The following ZNF536 variants were observed in gnomAD, a reference collection of about 807,000 sequenced individuals.
The protein encoded by ZNF536 is zinc finger protein 536.
A neutral mutation model predicts 84.5 loss-of-function variants in ZNF536; 13 were observed. That is an observed-to-expected ratio of 0.15 (90% CI 0.10 to 0.24). ZNF536 has a LOEUF of 0.24. ZNF536 is among the 10% of genes least tolerant of loss of function. ZNF536 has a pLI of 1.00. For synonymous variants in ZNF536, 811 were observed against 742.5 expected, an observed-to-expected ratio of 1.09 and a Z score of -1.50; for missense variants, 1,536 against 1,747.5, an observed-to-expected ratio of 0.88 and a Z score of 2.16.
intron 2 of ZNF536, chr19:30,296,162 T>C (rs1382253389): frequency 6.6e-6 from 1 of 152,076 alleles, no homozygotes; most frequent in Non-Finnish European, 1.5e-5. Context: ...CAGAGATGAG[T>C]ATTTGATGCT....
rs151077646 is a variant in ZNF536, at chr19:30,344,326, G to A, written c.-119-8042G>A. 2.2e-3 allele frequency among the ~76,000 whole-genome samples: 121 copies of A among 54,520 alleles called. 4 individuals are homozygous for A. The highest frequency in any genetic ancestry group is 0.012 in the African/African-American group (109 of 8,918). The allele number at this position is 54,520 out of a possible 152,430, so 35.8% of individuals were successfully genotyped here. On this transcript the variant is annotated intron_variant, in intron 2 of 5. Coordinates refer to the ZNF536 transcript ENST00000585628. Reference sequence around the variant, plus strand: ...ATATTGGCGGCCTCCTATAATCCCAGCTACTCGGGAGGCTGAGACAGGAAA... The same window carrying A: ...ATATTGGCGGCCTCCTATAATCCCAACTACTCGGGAGGCTGAGACAGGAAA...
At chr19:30,389,506 C>T (rs2049490847) in intron 1 of ZNF536, among the ~76,000 whole-genome samples, 1 of 152,194 alleles carries the variant, frequency 6.6e-6, no homozygotes, top group Non-Finnish European at 1.5e-5. Flanking sequence ...TCAGAAATCT[C>T]TTAACCTGTT....
At position 30,402,796 on chromosome 19, in the gene ZNF536, A is replaced by ATAT. The variant is rs1555744993; in HGVS notation, c.-3+30240_-3+30241insTAT. On this transcript the variant is annotated intron_variant, in intron 1 of 4. Coordinates refer to ENST00000355537, the MANE Select transcript of ZNF536 (RefSeq NM_014717.3). ...TTTTAAACATTTTTTAAAATTAAAA[A>ATAT]ATATATATATATATATATATATATA... 8.3e-3 allele frequency among the ~76,000 whole-genome samples: 709 copies of ATAT among 85,576 alleles called. 23 individuals carry two copies. Among genetic ancestry groups the ATAT allele is most frequent in the African/African-American group, 0.02 (526 of 26,348 alleles). The allele number at this position is 85,576 out of a possible 152,430, so 56.1% of individuals were successfully genotyped here. A position where few individuals can be genotyped will look rare whatever the true frequency, so the allele number is the denominator to read the frequency against.
chr19:30,329,509 G>A (rs1163283369), intron 2 of ZNF536, among the ~76,000 whole-genome samples: 2 of 152,128 alleles, frequency 1.3e-5, no homozygotes, highest in Non-Finnish European at 2.9e-5. Context: ...GTTCTATAAA[G>A]TGTGTGGGAT....
At chr19:30,293,559 T>C (rs2045907988) in intron 2 of ZNF536, among the ~76,000 whole-genome samples, 1 of 152,106 alleles carries the variant, frequency 6.6e-6, no homozygotes, top group Non-Finnish European at 1.5e-5. Context: ...ATTTCAACAA[T>C]AGGCTTCACG....
At chr19:30,278,939 G>A (rs2045339421) in intron 1 of ZNF536, among the ~76,000 whole-genome samples, 1 of 152,078 alleles carries the variant, frequency 6.6e-6, no homozygotes, top group Non-Finnish European at 1.5e-5. Flanking sequence ...TTCCGACTAG[G>A]TACGTGGATC....
rs1367852579 is a variant in ZNF536 at position 30,420,737 on chromosome 19, T to C, written c.-2-22824T>C. Among the ~76,000 whole-genome samples the C allele has an allele frequency of 3.3e-5, 5 of 152,214 alleles. No individual in the cohort carries two copies. The East Asian group carries it at 9.6e-4, about 29-fold the overall frequency. ...TTAAATCCCATCTATTTAGTTGTTC[T>C]TATAAAGATTTCACTGATATTTGAA... On this transcript the variant is annotated intron_variant, in intron 1 of 4. Coordinates refer to ENST00000355537, the MANE Select transcript of ZNF536 (RefSeq NM_014717.3).
intron 2 of ZNF536, among the ~76,000 whole-genome samples, chr19:30,530,965 G>T (rs1247819252): frequency 6.6e-6 from 1 of 152,120 alleles, no homozygotes; most frequent in Non-Finnish European, 1.5e-5. Flanking sequence ...AGTGCCCTGC[G>T]GGTGTCCTGC....
intron 2 of ZNF536, among the ~76,000 whole-genome samples, chr19:30,312,195 T>C (rs1600176121): frequency 6.6e-6 from 1 of 152,076 alleles, no homozygotes; most frequent in Non-Finnish European, 1.5e-5. Flanking sequence ...AGAGAGGCGG[T>C]GCATGAGAGA....
At chr19:30,324,712 G>A (rs2046967283) in intron 2 of ZNF536, among the ~76,000 whole-genome samples, 2 of 152,182 alleles carry the variant, frequency 1.3e-5, no homozygotes, top group East Asian at 3.9e-4. Flanking sequence ...TCTAATGAGA[G>A]ATTCAGACAA....
intron 2 of ZNF536, among the ~76,000 whole-genome samples, chr19:30,292,215 C>T (rs1350786192): frequency 6.6e-6 from 1 of 152,194 alleles, no homozygotes; most frequent in Non-Finnish European, 1.5e-5. Flanking sequence ...TCACATGTTA[C>T]CTAACCAGGA....
intron 1 of ZNF536, among the ~76,000 whole-genome samples, chr19:30,276,471 C>G (rs1396581437): frequency 4.6e-5 from 7 of 152,124 alleles, no homozygotes; most frequent in Non-Finnish European, 7.4e-5. Flanking sequence ...ATTAAGAGAA[C>G]AAAATGCTCA....
intron 3 of ZNF536, among the ~76,000 whole-genome samples, chr19:30,357,390 C>T (rs1375611498): frequency 6.6e-6 from 1 of 152,014 alleles, no homozygotes; most frequent in African/African-American, 2.4e-5. Context: ...GACAGTGATC[C>T]CTGGGGAGAG....
chr19:30,567,802 C>A (rs925323226), intron 1 of ZNF536, among the ~76,000 whole-genome samples: 1 of 152,138 alleles, frequency 6.6e-6, no homozygotes, highest in Non-Finnish European at 1.5e-5. Context: ...CCCACAGAGC[C>A]GCTTCACATG....
chr19:30,692,016 G>T (rs1000835408), intron 1 of ZNF536, among the ~76,000 whole-genome samples: 1 of 152,226 alleles, frequency 6.6e-6, no homozygotes, highest in Non-Finnish European at 1.5e-5. Flanking sequence ...TCATGGCCGG[G>T]CCTGGGAGGC....
intron 1 of ZNF536, among the ~76,000 whole-genome samples, chr19:30,253,642 A>T (rs1024549712): frequency 2.6e-5 from 4 of 152,032 alleles, no homozygotes; most frequent in African/African-American, 9.7e-5. Flanking sequence ...CTGCTTCCCC[A>T]CCCATGGGCT....
At chr19:30,520,060 G>A (rs2145689934) in intron 2 of ZNF536, among the ~76,000 whole-genome samples, 1 of 152,292 alleles carries the variant, frequency 6.6e-6, no homozygotes, top group African/African-American at 2.4e-5. Context: ...GTGGGCCTGG[G>A]GCTGGTGTTT....
intron 1 of ZNF536, among the ~76,000 whole-genome samples, chr19:30,250,806 G>A (rs2024562864): frequency 6.7e-6 from 1 of 149,900 alleles, no homozygotes; most frequent in African/African-American, 2.5e-5. Context: ...GACCAAGTTA[G>A]TTCTGATTTT....
chr19:30,546,785 G>A (rs1250974858), intron 3 of ZNF536, among the ~76,000 whole-genome samples: 3 of 152,216 alleles, frequency 2.0e-5, no homozygotes, highest in African/African-American at 7.2e-5. Context: ...AGCGGGGACT[G>A]TCACAGTCCC....
Sources: gnomAD v4.1 joint callset for allele counts (sites outside exome capture counted in the v4.1 genomes callset) on GRCh38, gnomAD v4.1.1 for gene constraint, MANE v1.5 for transcripts, NCBI Gene and HGNC (gene_info 2026-07-23, HGNC 2026-07-21) for gene names.